The following MLLT3 variants were observed in gnomAD, a reference collection of about 807,000 sequenced individuals.
MLLT3 encodes the protein MLLT3 super elongation complex subunit.
A neutral mutation model predicts 53.2 loss-of-function variants in MLLT3; 4 were observed. The observed-to-expected ratio is 0.08, with a 90% CI of 0.04 to 0.17. MLLT3 has a LOEUF of 0.17. Ranked by LOEUF, MLLT3 falls within the 10% of genes least tolerant of loss-of-function variation. The pLI, the probability that MLLT3 is intolerant of heterozygous loss-of-function variation, is 1.00. For synonymous variants in MLLT3, 283 were observed against 230.6 expected (o/e 1.23, Z -2.06); for missense variants, 569 against 684.0 (o/e 0.83, Z 1.87).
intron 5 of MLLT3, among the ~76,000 whole-genome samples, chr9:20,389,624 A>C (rs542113934): frequency 6.8e-6 from 1 of 148,050 alleles, no homozygotes; most frequent in East Asian, 2.0e-4. Flanking sequence ...AAATTAAAAC[A>C]AAAAAAAAAG....
intron 2 of MLLT3, among the ~76,000 whole-genome samples, chr9:20,569,085 C>A (rs1283315602): frequency 6.6e-6 from 1 of 152,146 alleles, no homozygotes; most frequent in Non-Finnish European, 1.5e-5. Flanking sequence ...AACACTTACA[C>A]CCCTCCTGTC....
At chr9:20,501,857 G>T (rs1005369943) in intron 2 of MLLT3, among the ~76,000 whole-genome samples, 3 of 149,780 alleles carry the variant, frequency 2.0e-5, no homozygotes, top group Non-Finnish European at 4.4e-5. Flanking sequence ...AAAGCAGGCA[G>T]ATCACCTGAG....
chr9:20,363,419 G>T, intron 7 of MLLT3, 57 bp downstream of exon 7: 1 of 1,599,658 alleles, frequency 6.3e-7, no homozygotes. Flanking sequence ...TCCCAGCAGG[G>T]CTTGTGAAAG....
intron 2 of MLLT3, among the ~76,000 whole-genome samples, chr9:20,551,518 C>T (rs1010813292): frequency 6.6e-6 from 1 of 152,198 alleles, no homozygotes; most frequent in Non-Finnish European, 1.5e-5. Flanking sequence ...CCTACAGACC[C>T]TTCTGATTGG....
chr9:20,485,058 G>C (rs1013638385), intron 2 of MLLT3, among the ~76,000 whole-genome samples: 6 of 150,890 alleles, frequency 4.0e-5, no homozygotes, highest in Non-Finnish European at 7.4e-5. Context: ...GCGCAATCTT[G>C]GCTCACTACA....
rs1820820359 is a variant in MLLT3 at position 20,344,664 on chromosome 9, T to C, written c.*1779A>G. ...ATAATTTACAAGGAGCATGGCTGTA[T>C]TATAATTTTTTAAAGGAAAAATAGT... On this transcript the variant is annotated 3_prime_UTR_variant, in exon 11 of 11. Transcript: ENST00000380338. 4.8e-6 allele frequency: 1 copy of C among 207,568 alleles called. No individual in the cohort carries two copies. Among genetic ancestry groups the C allele is most frequent in the Admixed American group, 5.9e-5 (1 of 16,872 alleles). The allele number at this position is 207,568 out of a possible 1,614,324, so 12.9% of individuals were successfully genotyped here.
In MLLT3 at chr9:20,380,838, C is replaced by T. The variant is rs116173937; in HGVS notation, c.1126-15094G>A. Among the ~76,000 whole-genome samples the T allele has an allele frequency of 4.8e-3, 730 of 152,024 alleles. 3 individuals carry two copies. The highest frequency in any genetic ancestry group is 0.017 in the African/African-American group (697 of 41,522). On this transcript the variant is annotated intron_variant, in intron 5 of 10. Coordinates refer to ENST00000380338, the MANE Select transcript of MLLT3 (RefSeq NM_004529.4). ...AGCTGGCTGCTGGAAACTTGAAAGT[C>T]AAATTAGACTGGAAAGTGCTGTTTT... is the stretch of plus-strand genomic sequence containing the variant.
intron 2 of MLLT3, among the ~76,000 whole-genome samples, chr9:20,595,937 G>A (rs1337189164): frequency 6.6e-6 from 1 of 152,116 alleles, no homozygotes; most frequent in African/African-American, 2.4e-5. Flanking sequence ...GTCCTCAAAT[G>A]TGGCAAGTGA....
chr9:20,600,248 T>C (rs979565742), intron 2 of MLLT3, among the ~76,000 whole-genome samples: 1 of 152,094 alleles, frequency 6.6e-6, no homozygotes, highest in Non-Finnish European at 1.5e-5. Flanking sequence ...AAAGCACTCA[T>C]CTTGTTGTGC....
intron 2 of MLLT3, among the ~76,000 whole-genome samples, chr9:20,532,017 C>G (rs1179920030): frequency 2.0e-5 from 3 of 151,966 alleles, no homozygotes; most frequent in Admixed American, 6.5e-5. Context: ...CAGCACTATT[C>G]AAAAGCCCAC....
chr9:20,597,728 A>G (rs553659345), intron 2 of MLLT3, among the ~76,000 whole-genome samples: 3 of 152,168 alleles, frequency 2.0e-5, no homozygotes, highest in Non-Finnish European at 4.4e-5. Flanking sequence ...AGCCTATTTC[A>G]TGCTTTTGAA....
chr9:20,588,270 T>C (rs1587105089), intron 2 of MLLT3, among the ~76,000 whole-genome samples: 2 of 150,248 alleles, frequency 1.3e-5, no homozygotes, highest in South Asian at 4.2e-4. Context: ...TGAAGTCAGG[T>C]AGTGTGATGC....
intron 2 of MLLT3, among the ~76,000 whole-genome samples, chr9:20,482,749 T>C (rs1243656286): frequency 2.0e-5 from 3 of 152,216 alleles, no homozygotes; most frequent in Non-Finnish European, 4.4e-5. Context: ...TTCATTTCTT[T>C]TTTAATCCAA....
Position 20,343,747 on chromosome 9 carries a change from T to G in MLLT3, c.*2696A>C, listed in dbSNP as rs190622900. On this transcript the variant is annotated 3_prime_UTR_variant, in exon 11 of 11. Coordinates refer to ENST00000380338, the MANE Select transcript of MLLT3 (RefSeq NM_004529.4). ...ATTTATATATGTACACCAAAGAAATTAAACCCTGCCATTTTCCCTTTGTGC... is the reference window on the plus strand; with the variant it reads ...ATTTATATATGTACACCAAAGAAATGAAACCCTGCCATTTTCCCTTTGTGC... The G allele has an allele frequency of 9.7e-5, 21 of 215,566 alleles. No individual in the cohort carries two copies. The East Asian group carries it at 1.4e-3, about 15-fold the overall frequency. 13.4% of individuals were successfully genotyped at this position (215,566 alleles called of 1,614,324 possible). A position where few individuals can be genotyped will look rare whatever the true frequency, so the allele number is the denominator to read the frequency against.
intron 2 of MLLT3, among the ~76,000 whole-genome samples, chr9:20,571,633 T>A (rs1819535874): frequency 6.6e-6 from 1 of 152,028 alleles, no homozygotes; most frequent in South Asian, 2.1e-4. Flanking sequence ...ATGTTCCCCA[T>A]CCCGGGTCCA....
At chr9:20,576,706 G>A (rs571998392) in intron 2 of MLLT3, among the ~76,000 whole-genome samples, 128 of 152,196 alleles carry the variant, frequency 8.4e-4, no homozygotes, top group Non-Finnish European at 1.5e-3. Context: ...TAACAGATAC[G>A]ATAATAATGA....
intron 8 of MLLT3, among the ~76,000 whole-genome samples, chr9:20,358,380 A>G (rs1021067539): frequency 6.6e-6 from 1 of 152,240 alleles, no homozygotes; most frequent in Non-Finnish European, 1.5e-5. Context: ...AAAGTGACAC[A>G]TAATACAGTA....
chr9:20,462,564 C>T (rs1824137103), intron 2 of MLLT3, among the ~76,000 whole-genome samples: 1 of 152,104 alleles, frequency 6.6e-6, no homozygotes, highest in African/African-American at 2.4e-5. Context: ...CCTCTGGACT[C>T]ACCACTCAAG....
At chr9:20,612,693 A>G (rs1208906368) in intron 2 of MLLT3, among the ~76,000 whole-genome samples, 1 of 152,104 alleles carries the variant, frequency 6.6e-6, no homozygotes, top group Non-Finnish European at 1.5e-5. Flanking sequence ...GTCAATATAT[A>G]TATATAAAAT....
Sources: gnomAD v4.1 joint callset for allele counts (sites outside exome capture counted in the v4.1 genomes callset) on GRCh38, gnomAD v4.1.1 for gene constraint, MANE v1.5 for transcripts, NCBI Gene and HGNC (gene_info 2026-07-23, HGNC 2026-07-21) for gene names.